AREL1: variants seen among roughly 807,000 people sequenced by gnomAD.
AREL1 encodes the protein apoptosis-resistant E3 ubiquitin protein ligase 1.
A neutral mutation model predicts 99.0 loss-of-function variants in AREL1; 62 were observed. That is an observed-to-expected ratio of 0.63 (90% CI 0.51 to 0.77). The LOEUF (loss-of-function observed/expected upper bound fraction) is 0.77. AREL1 is among the 30% of genes least tolerant of loss of function. The pLI is 0.00. For synonymous variants in AREL1, 380 were observed against 376.5 expected, an observed-to-expected ratio of 1.01 and a Z score of -0.11; for missense variants, 879 against 1,027.6, an observed-to-expected ratio of 0.86 and a Z score of 1.98.
At chr14:74,670,654 TAGG>T in intron 13 of AREL1, 105 bp downstream of exon 13, 2 of 850,838 alleles carry the variant, frequency 2.4e-6, no homozygotes, top group African/African-American at 3.4e-5. Flanking sequence ...AAATTAAGAA[TAGG>T]ACACAGGTTG....
chr14:74,664,761 C>T, intron 18 of AREL1, 75 bp downstream of exon 18: 1 of 1,361,408 alleles, frequency 7.3e-7, no homozygotes, highest in South Asian at 1.2e-5. Context: ...GCCCGGCCTC[C>T]TCTACTTTTT....
At chr14:74,680,113 T>G (rs2139905371) in intron 5 of AREL1, among the ~76,000 whole-genome samples, 1 of 149,826 alleles carries the variant, frequency 6.7e-6, no homozygotes, top group East Asian at 2.0e-4. Flanking sequence ...GAAGAGGAGG[T>G]TGGTTGCAGT....
At chr14:74,700,307 A>G (rs574556796) in intron 1 of AREL1, among the ~76,000 whole-genome samples, 2 of 152,360 alleles carry the variant, frequency 1.3e-5, no homozygotes. Context: ...ACAGAAAGCT[A>G]AAATGACTTG....
chr14:74,709,033 T>C (rs1255408542), intron 1 of AREL1, among the ~76,000 whole-genome samples: 1 of 152,138 alleles, frequency 6.6e-6, no homozygotes, highest in Non-Finnish European at 1.5e-5. Context: ...AAAACTACTA[T>C]ATGAAAGAAC....
intron 1 of AREL1, among the ~76,000 whole-genome samples, chr14:74,704,598 T>C (rs1311183952): frequency 6.6e-6 from 1 of 152,176 alleles, no homozygotes; most frequent in Non-Finnish European, 1.5e-5. Context: ...CAGCTTTACT[T>C]TTCCCTTTAG....
rs766946503 is a variant in AREL1 at position 74,663,552 on chromosome 14, G to A, written c.*168C>T. 14 of 699,970 alleles carry A rather than the reference G, an allele frequency of 2.0e-5. No homozygotes were observed. The highest frequency in any genetic ancestry group is 3.5e-5 in the Non-Finnish European group (14 of 396,562). 43.4% of individuals were successfully genotyped at this position (699,970 alleles called of 1,614,324 possible). Reference sequence around the variant, plus strand: ...TGTGGTAGATATGGGCAGGGAGCAGGTGAGGTAAAGACAAGGCTTGTAGGT... The same window carrying A: ...TGTGGTAGATATGGGCAGGGAGCAGATGAGGTAAAGACAAGGCTTGTAGGT... On this transcript the variant is annotated 3_prime_UTR_variant, in exon 20 of 20. Transcript: ENST00000356357.
intron 17 of AREL1, among the ~76,000 whole-genome samples, chr14:74,665,212 G>C (rs1362012529): frequency 2.0e-5 from 3 of 151,620 alleles, no homozygotes; most frequent in Non-Finnish European, 4.4e-5. Context: ...GAATCTCTCG[G>C]AACAGGTTAT....
intron 1 of AREL1, among the ~76,000 whole-genome samples, chr14:74,708,698 C>T (rs985861200): frequency 3.9e-5 from 6 of 152,194 alleles, no homozygotes; most frequent in Non-Finnish European, 8.8e-5. Context: ...TAACAAGCTG[C>T]ACTGAAATAA....
intron 17 of AREL1, 169 bp from the exon 18 acceptor site, chr14:74,665,094 T>C (rs1220363752): frequency 1.9e-6 from 1 of 528,110 alleles, no homozygotes; most frequent in Non-Finnish European, 3.4e-6. Context: ...ATCAATTACA[T>C]ACAACAGGGC....
At chr14:74,681,564 G>A (rs1703477159) in intron 5 of AREL1, among the ~76,000 whole-genome samples, 2 of 152,064 alleles carry the variant, frequency 1.3e-5, no homozygotes, top group Admixed American at 6.5e-5. Context: ...CATGAGGTCA[G>A]GAGATCGAGA....
chr14:74,694,641 A>C (rs2089944881), intron 1 of AREL1, among the ~76,000 whole-genome samples: 1 of 152,144 alleles, frequency 6.6e-6, no homozygotes, highest in Admixed American at 6.6e-5. Flanking sequence ...GTGGGGACTG[A>C]TTTTCCTTAA....
chr14:74,674,167 G>A (rs1256734546), intron 8 of AREL1, 56 bp from the exon 9 acceptor site: 2 of 1,423,344 alleles, frequency 1.4e-6, no homozygotes, highest in East Asian at 4.6e-5. Context: ...GGCTCTATTT[G>A]GGTATTCTAA....
At chr14:74,673,861 T>C (rs2089412745) in intron 9 of AREL1, among the ~76,000 whole-genome samples, 173 bp downstream of exon 9, 1 of 152,236 alleles carries the variant, frequency 6.6e-6, no homozygotes, top group Admixed American at 6.5e-5. Context: ...AGAATTTATA[T>C]ATTCTTCATG....
intron 1 of AREL1, among the ~76,000 whole-genome samples, chr14:74,710,256 TC>T (rs1250262996): frequency 1.3e-5 from 2 of 152,256 alleles, no homozygotes; most frequent in Non-Finnish European, 2.9e-5. Context: ...TATGTTCTTA[TC>T]CCCCATGGTG....
Position 74,663,491 on chromosome 14 carries a change from T to C in AREL1, c.*229A>G, listed in dbSNP as rs2089132323. The C allele has an allele frequency of 3.6e-6, 2 of 552,546 alleles. No homozygotes were observed. The highest frequency in any genetic ancestry group is 6.5e-6 in the Non-Finnish European group (2 of 305,424). The allele number at this position is 552,546 out of a possible 1,614,324, so 34.2% of individuals were successfully genotyped here. A position where few individuals can be genotyped will look rare whatever the true frequency, so the allele number is the denominator to read the frequency against. On this transcript the variant is annotated 3_prime_UTR_variant, in exon 20 of 20. Transcript: ENST00000356357. Reference sequence around the variant, plus strand: ...GCATGGTCCTCTTCTCATGACAGAATGAAGAGCTCAGCTTACATACCATGC... The same window carrying C: ...GCATGGTCCTCTTCTCATGACAGAACGAAGAGCTCAGCTTACATACCATGC...
rs1402428759 is a variant in AREL1 at position 74,672,924 on chromosome 14, C to G, written c.1329G>C (p.Val443=). The change falls in exon 11 of 20, where the codon GTG becomes GTC. Residue 443 remains valine, a synonymous_variant. Transcript: ENST00000356357. ...GCCGAAGCTCTCGCTGGAAAAAGTT[C>G]ACCTTGTCCTGAAAGGTCTCAGAGC... The part of the protein sequence containing the change: ...IGGSETFQDK[V]NFFQRELRQV... 1 of 1,614,008 alleles carries G rather than the reference C, an allele frequency of 6.2e-7. No individual in the cohort carries two copies. Among genetic ancestry groups the G allele is most frequent in the Non-Finnish European group, 8.5e-7 (1 of 1,180,022 alleles).
At chr14:74,694,514 T>C (rs1380735414) in intron 1 of AREL1, among the ~76,000 whole-genome samples, 2 of 152,192 alleles carry the variant, frequency 1.3e-5, no homozygotes, top group African/African-American at 4.8e-5. Context: ...TGATCATCTC[T>C]TGGTATACGG....
intron 1 of AREL1, among the ~76,000 whole-genome samples, chr14:74,700,579 C>T (rs1169425499): frequency 6.6e-6 from 1 of 152,070 alleles, no homozygotes; most frequent in Non-Finnish European, 1.5e-5. Context: ...GAGATCGAGA[C>T]CATTCTGGCT....
chr14:74,708,538 G>A (rs1389446144), intron 1 of AREL1, among the ~76,000 whole-genome samples: 1 of 152,072 alleles, frequency 6.6e-6, no homozygotes, highest in Non-Finnish European at 1.5e-5. Context: ...ACAAGAGAGG[G>A]GTTAAAATAA....
Sources: gnomAD v4.1 joint callset for allele counts (sites outside exome capture counted in the v4.1 genomes callset) on GRCh38, gnomAD v4.1.1 for gene constraint, MANE v1.5 for transcripts, NCBI Gene and HGNC (gene_info 2026-07-23, HGNC 2026-07-21) for gene names.